Variants in PTCHD4 observed in about 807,000 individuals in gnomAD.
PTCHD4 encodes the protein patched domain containing 4.
A neutral mutation model predicts 58.1 loss-of-function variants in PTCHD4; 33 were observed. The ratio of observed to expected loss-of-function variants is 0.57; its 90% CI spans 0.43 to 0.76. The LOEUF (loss-of-function observed/expected upper bound fraction) is 0.76. Ranked by LOEUF, PTCHD4 falls within the 30% of genes least tolerant of loss-of-function variation. The probability of loss-of-function intolerance (pLI) is 0.00; values close to 1 mark genes in which losing one functional copy is unlikely to be tolerated. For missense variants in PTCHD4, 1,058 were observed against 1,027.1 expected, an observed-to-expected ratio of 1.03 and a Z score of -0.41; for synonymous variants, 478 against 409.6, an observed-to-expected ratio of 1.17 and a Z score of -2.02.
intron 3 of PTCHD4, among the ~76,000 whole-genome samples, chr6:48,052,142 C>G (rs1764256172): frequency 6.6e-6 from 1 of 151,968 alleles, no homozygotes; most frequent in African/African-American, 2.4e-5. Context: ...GTTGAGAAGA[C>G]ACCTAGATAT....
At chr6:48,107,971 G>A (rs1217034441) in intron 1 of PTCHD4, among the ~76,000 whole-genome samples, 1 of 152,132 alleles carries the variant, frequency 6.6e-6, no homozygotes, top group Non-Finnish European at 1.5e-5. Context: ...GAGAGGATGT[G>A]GAGAAATAGG....
At chr6:47,932,284 C>G (rs961104282) in intron 4 of PTCHD4, among the ~76,000 whole-genome samples, 2 of 152,140 alleles carry the variant, frequency 1.3e-5, no homozygotes, top group Non-Finnish European at 2.9e-5. Flanking sequence ...GAGGATTTAG[C>G]ACTGTGCTGT....
At chr6:48,108,200 C>T (rs1159389336) in intron 1 of PTCHD4, among the ~76,000 whole-genome samples, 1 of 152,116 alleles carries the variant, frequency 6.6e-6, no homozygotes, top group East Asian at 1.9e-4. Flanking sequence ...TGGAACCAAC[C>T]CAAATGTCCA....
intron 3 of PTCHD4, among the ~76,000 whole-genome samples, chr6:48,025,721 T>A (rs1763221321): frequency 1.3e-5 from 2 of 152,190 alleles, no homozygotes; most frequent in Non-Finnish European, 2.9e-5. Flanking sequence ...AGGATAAGTC[T>A]TTTCAAATGC....
chr6:48,109,267 AC>A (rs532404060), intron 1 of PTCHD4, among the ~76,000 whole-genome samples: 1 of 152,176 alleles, frequency 6.6e-6, no homozygotes, highest in Non-Finnish European at 1.5e-5. Context: ...TCACAAGGCT[AC>A]TATAACACCA....
rs374429533 is a variant in PTCHD4, at chr6:47,878,580, T to C, written c.2255A>G (p.His752Arg). ...TQCIKSSLQD[H>R]GTAILQNVTS... Reference sequence around the variant, plus strand: ...AACATTTTGCAAAATGGCTGTCCCATGGTCTTGCAAGGAGCTTTTTATACA... The same window carrying C: ...AACATTTTGCAAAATGGCTGTCCCACGGTCTTGCAAGGAGCTTTTTATACA... The change falls in exon 5 of 5, where the codon CAT becomes CGT. Residue 752 changes from histidine to arginine, a missense_variant. Transcript: ENST00000339488. 1 of 1,613,512 alleles carries C rather than the reference T, an allele frequency of 6.2e-7. No homozygotes were observed. The highest frequency in any genetic ancestry group is 8.5e-7 in the Non-Finnish European group (1 of 1,179,766).
At chr6:48,032,075 A>T (rs986257385) in intron 3 of PTCHD4, among the ~76,000 whole-genome samples, 1 of 149,464 alleles carries the variant, frequency 6.7e-6, no homozygotes, top group South Asian at 2.1e-4. Context: ...AACCCCAGGC[A>T]TTTTTTTTTT....
At chr6:48,061,297 T>C (rs1267998520) in intron 3 of PTCHD4, among the ~76,000 whole-genome samples, 2 of 152,172 alleles carry the variant, frequency 1.3e-5, no homozygotes, top group African/African-American at 4.8e-5. Flanking sequence ...CTTAAACAGG[T>C]GACAGGCTCA....
rs551193297 is a variant in PTCHD4, at chr6:48,075,163, C to T, written c.-969-5237G>A. On this transcript the variant is annotated intron_variant, in intron 1 of 4. Transcript: ENST00000339488. ...ATTAATTGATGACCTAAAATTCATC[C>T]TATTTAAGAGGGTACATCAAAGATG... Among the ~76,000 whole-genome samples, 10 of 152,132 alleles carry T rather than the reference C, an allele frequency of 6.6e-5. No homozygotes were observed. In the South Asian group the frequency reaches 2.1e-3, roughly 32 times the overall value.
intron 1 of PTCHD4, among the ~76,000 whole-genome samples, chr6:48,101,916 C>T (rs1355369562): frequency 6.6e-6 from 1 of 152,170 alleles, no homozygotes; most frequent in Non-Finnish European, 1.5e-5. Flanking sequence ...GATGCTGCCT[C>T]TCTATGAAGG....
At chr6:47,888,579 T>A (rs1561940687) in intron 4 of PTCHD4, among the ~76,000 whole-genome samples, 1 of 152,228 alleles carries the variant, frequency 6.6e-6, no homozygotes, top group Non-Finnish European at 1.5e-5. Context: ...AAAAGACATA[T>A]AGTCTCATCC....
At position 47,879,287 on chromosome 6, in the gene PTCHD4, T is replaced by A. The variant is rs763303028; in HGVS notation, c.1548A>T (p.Ile516=). Residue 516 remains isoleucine (I), a synonymous_variant, in exon 5 of 5, where the codon ATA becomes ATT. Coordinates refer to ENST00000339488, the MANE Select transcript of PTCHD4 (RefSeq NM_001384253.1). ...CTAGGGGCTCATAGACGTAGAATCC[T>A]ATCACAGGGCTATAGTTGCTGAAAT... ...QKYFSNYSPV[I]GFYVYEPLEY... 14 of 1,612,690 alleles carry A rather than the reference T, an allele frequency of 8.7e-6. No individual in the cohort carries two copies. The African/African-American group carries it at 1.7e-4, about 20-fold the overall frequency.
In PTCHD4 at chr6:47,912,943, C is replaced by T. The variant is rs542711292; in HGVS notation, c.899-33007G>A. The stretch of plus-strand genomic sequence containing the variant: ...TTTTCTATCTTTCGCCTTGCTTCCC[C>T]ATGTGATTGCTCAAGATGAGAGTGA... On this transcript the variant is annotated intron_variant, in intron 4 of 4. Coordinates refer to ENST00000339488, the MANE Select transcript of PTCHD4 (RefSeq NM_001384253.1). Among the ~76,000 whole-genome samples the T allele has an allele frequency of 1.2e-4, 18 of 152,192 alleles. No homozygotes were observed. In the South Asian group the frequency reaches 2.7e-3, roughly 23 times the overall value.
intron 4 of PTCHD4, among the ~76,000 whole-genome samples, chr6:47,927,498 A>C (rs531674480): frequency 6.6e-6 from 1 of 152,332 alleles, no homozygotes; most frequent in South Asian, 2.1e-4. Flanking sequence ...AGAATGGGAC[A>C]AAACAATGAC....
chr6:47,880,003 A>G (rs948896124), intron 4 of PTCHD4, 67 bp from the exon 5 acceptor site: 2 of 1,236,388 alleles, frequency 1.6e-6, no homozygotes, highest in African/African-American at 3.0e-5. Context: ...TGAATTCCTT[A>G]TAGTTTATCT....
rs753736207 is a variant in PTCHD4, at chr6:47,879,715, A to G, written c.1120T>C (p.Leu374=). ...FCQNMCVSIL[L]NYFYIFSFFG... The stretch of plus-strand genomic sequence containing the variant: ...AAGGAGAAAATGTAGAAGTAGTTCA[A>G]CAGAATAGAGACACACATGTTTTGA... The change falls in exon 5 of 5, where the codon TTG becomes CTG. Residue 374 remains leucine, a synonymous_variant. Coordinates refer to ENST00000339488, the MANE Select transcript of PTCHD4 (RefSeq NM_001384253.1). 17 of 1,613,672 alleles carry G rather than the reference A, an allele frequency of 1.1e-5. No homozygotes were observed. Among genetic ancestry groups the G allele is most frequent in the Non-Finnish European group, 1.4e-5 (17 of 1,179,760 alleles).
chr6:47,903,511 T>TC (rs1764778391), intron 4 of PTCHD4, among the ~76,000 whole-genome samples: 2 of 152,096 alleles, frequency 1.3e-5, no homozygotes, highest in South Asian at 2.1e-4. Context: ...GATGGAATTT[T>TC]ACCATGTTGC....
At chr6:47,911,983 A>G (rs1765085088) in intron 4 of PTCHD4, among the ~76,000 whole-genome samples, 1 of 152,122 alleles carries the variant, frequency 6.6e-6, no homozygotes, top group African/African-American at 2.4e-5. Flanking sequence ...AGGTAGAAAA[A>G]TAATTGGAAG....
intron 3 of PTCHD4, among the ~76,000 whole-genome samples, chr6:48,018,512 C>T (rs1029612837): frequency 3.9e-5 from 6 of 152,226 alleles, no homozygotes; most frequent in Non-Finnish European, 7.3e-5. Flanking sequence ...AGTCATGTGT[C>T]TGCCCTTTCT....
Sources: gnomAD v4.1 joint callset for allele counts (sites outside exome capture counted in the v4.1 genomes callset) on GRCh38, gnomAD v4.1.1 for gene constraint, MANE v1.5 for transcripts, NCBI Gene and HGNC (gene_info 2026-07-23, HGNC 2026-07-21) for gene names.